Variants in TMEM163 observed in about 807,000 individuals in gnomAD.
The protein encoded by TMEM163 is transmembrane protein 163.
TMEM163 carries 17 observed loss-of-function variants against 29.3 expected under a neutral mutation model. The observed-to-expected ratio is 0.58, with a 90% CI of 0.40 to 0.87. The LOEUF (loss-of-function observed/expected upper bound fraction) is 0.87, where lower values mean the gene tolerates loss of function less well. TMEM163 is among the 40% of genes least tolerant of loss of function. The pLI is 0.00. For synonymous variants in TMEM163, 157 were observed against 160.6 expected, an observed-to-expected ratio of 0.98 and a Z score of 0.17; for missense variants, 303 against 381.5, an observed-to-expected ratio of 0.79 and a Z score of 1.71.
rs1680520983 is a variant in TMEM163 at position 134,535,711 on chromosome 2, T to A, written c.458+14859A>T. Among the ~76,000 whole-genome samples the A allele has an allele frequency of 4.0e-5, 6 of 149,066 alleles. No homozygotes were observed. In the South Asian group the frequency reaches 1.3e-3, roughly 32 times the overall value. On this transcript the variant is annotated intron_variant, in intron 4 of 7. Coordinates refer to ENST00000281924, the MANE Select transcript of TMEM163 (RefSeq NM_030923.5). ...TAAATATTTTATACATTTACTTATT[T>A]GTATGGTTTTTTTTTTTGTTTGTTT...
At chr2:134,550,544 C>G in intron 4 of TMEM163, 26 bp downstream of exon 4, 14 of 1,611,516 alleles carry the variant, frequency 8.7e-6, no homozygotes, top group Non-Finnish European at 1.1e-5. Flanking sequence ...GTTCTTCAGC[C>G]TGGAGAAAGA....
chr2:134,524,378 T>A (rs1306768377), intron 4 of TMEM163, among the ~76,000 whole-genome samples: 1 of 150,992 alleles, frequency 6.6e-6, no homozygotes, highest in East Asian at 2.0e-4. Flanking sequence ...CTTGGGTTTT[T>A]AAAATTTTAA....
At chr2:134,563,517 C>G (rs1279221787) in intron 2 of TMEM163, among the ~76,000 whole-genome samples, 2 of 151,898 alleles carry the variant, frequency 1.3e-5, no homozygotes, top group Non-Finnish European at 2.9e-5. Flanking sequence ...AGGCTCTATT[C>G]AAAACAACAA....
chr2:134,655,856 G>A (rs2104852762), intron 2 of TMEM163, among the ~76,000 whole-genome samples: 2 of 141,184 alleles, frequency 1.4e-5, no homozygotes, highest in East Asian at 2.0e-4. Context: ...CAGTTAGGCT[G>A]CTCGGGGGTC....
At chr2:134,662,025 G>A (rs572428479) in intron 2 of TMEM163, among the ~76,000 whole-genome samples, 82 of 143,318 alleles carry the variant, frequency 5.7e-4, no homozygotes, top group African/African-American at 1.9e-3. Context: ...TCCACCTCCC[G>A]GGTTTACTTA....
chr2:134,512,480 G>A (rs1442603883), intron 4 of TMEM163, among the ~76,000 whole-genome samples: 2 of 152,162 alleles, frequency 1.3e-5, no homozygotes, highest in Admixed American at 6.5e-5. Flanking sequence ...TATTCCTAGA[G>A]AAGCTGAGAA....
chr2:134,598,640 G>A lies in TMEM163; in HGVS notation c.323-46549C>T, dbSNP rs765541390. ...AAAAAGAAAGCGTTGCAGGCTGGGC[G>A]TGGTGGCTCATGCCTGTAATCCCAG... On this transcript the variant is annotated intron_variant, in intron 2 of 7. Coordinates refer to ENST00000281924, the MANE Select transcript of TMEM163 (RefSeq NM_030923.5). 6.7e-4 allele frequency among the ~76,000 whole-genome samples: 102 copies of A among 152,180 alleles called. 1 individual carries two copies. Among genetic ancestry groups the A allele is most frequent in the Non-Finnish European group, 1.1e-3 (75 of 68,034 alleles).
chr2:134,458,089 T>C lies in TMEM163; in HGVS notation c.752A>G (p.Tyr251Cys), dbSNP rs765196021. The C allele has an allele frequency of 6.8e-6, 11 of 1,614,110 alleles. No homozygotes were observed. In the Admixed American group the frequency reaches 1.8e-4, roughly 27 times the overall value. ...CAGAACGCCTATGCTGCCGTCCAGG[T>C]ACCAGACCGCCGAGTCATGCTTGAA... ...EVFKHDSAVW[Y>C]LDGSIGVLIG... Residue 251 changes from tyrosine (Y) to cysteine (C), a missense_variant, in exon 7 of 8, where the codon TAC (tyrosine) becomes TGC (cysteine). Coordinates refer to ENST00000281924, the MANE Select transcript of TMEM163 (RefSeq NM_030923.5).
chr2:134,484,448 G>A (rs1240895958), intron 5 of TMEM163, among the ~76,000 whole-genome samples: 1 of 152,172 alleles, frequency 6.6e-6, no homozygotes, highest in Non-Finnish European at 1.5e-5. Flanking sequence ...GGAGGCTGAA[G>A]AGGGAGGATT....
chr2:134,523,159 A>G (rs1680223388), intron 4 of TMEM163, among the ~76,000 whole-genome samples: 1 of 152,208 alleles, frequency 6.6e-6, no homozygotes, highest in Non-Finnish European at 1.5e-5. Flanking sequence ...TGCTTTGTGT[A>G]AAAAGGGCTT....
At chr2:134,541,309 G>A (rs1234687332) in intron 4 of TMEM163, among the ~76,000 whole-genome samples, 2 of 152,366 alleles carry the variant, frequency 1.3e-5, no homozygotes, top group East Asian at 3.9e-4. Context: ...TGGAGAATTA[G>A]CATTGCTGAT....
chr2:134,585,705 G>C (rs1292817034), intron 2 of TMEM163, among the ~76,000 whole-genome samples: 5 of 149,518 alleles, frequency 3.3e-5, no homozygotes, highest in Non-Finnish European at 5.9e-5. Context: ...TCGCGCCACT[G>C]CACTCCAGCC....
chr2:134,599,813 A>T (rs1404510230), intron 2 of TMEM163, among the ~76,000 whole-genome samples: 1 of 151,684 alleles, frequency 6.6e-6, no homozygotes, highest in Non-Finnish European at 1.5e-5. Flanking sequence ...GATTACAGGC[A>T]TAAGCCACCA....
intron 2 of TMEM163, among the ~76,000 whole-genome samples, chr2:134,691,020 G>A (rs2104883340): frequency 6.6e-6 from 1 of 152,284 alleles, no homozygotes. Flanking sequence ...CCACACTCCA[G>A]GCGCTCACAG....
intron 4 of TMEM163, among the ~76,000 whole-genome samples, chr2:134,545,553 C>A (rs1680761314): frequency 6.6e-6 from 1 of 152,028 alleles, no homozygotes; most frequent in South Asian, 2.1e-4. Context: ...GCACTGCCCC[C>A]TCACCTCCTG....
intron 5 of TMEM163, among the ~76,000 whole-genome samples, chr2:134,501,484 T>C (rs1254575812): frequency 5.9e-5 from 9 of 152,188 alleles, no homozygotes; most frequent in African/African-American, 1.9e-4. Flanking sequence ...AATGAATGTG[T>C]CAACTGGCAT....
intron 2 of TMEM163, among the ~76,000 whole-genome samples, chr2:134,616,196 G>A (rs536689338): frequency 1.3e-5 from 2 of 152,250 alleles, no homozygotes; most frequent in East Asian, 3.9e-4. Flanking sequence ...ACTTTCTGGA[G>A]GGCCAAAGAA....
intron 2 of TMEM163, among the ~76,000 whole-genome samples, chr2:134,590,216 G>A (rs1444128965): frequency 1.3e-5 from 2 of 151,782 alleles, no homozygotes; most frequent in Non-Finnish European, 2.9e-5. Flanking sequence ...CAAGGATCTA[G>A]TACAGAAACA....
intron 2 of TMEM163, among the ~76,000 whole-genome samples, chr2:134,674,637 C>T (rs1217745944): frequency 6.6e-6 from 1 of 151,846 alleles, no homozygotes; most frequent in Non-Finnish European, 1.5e-5. Flanking sequence ...GGATTACAGG[C>T]GTGAGCCACT....
Sources: allele counts gnomAD v4.1 joint callset (sites outside exome capture counted in the v4.1 genomes callset), GRCh38; gene constraint gnomAD v4.1.1; transcripts MANE v1.5; gene names NCBI Gene and HGNC (gene_info 2026-07-23, HGNC 2026-07-21).